The following OR9K2 variants were observed in gnomAD, a reference collection of about 807,000 sequenced individuals.
The protein encoded by OR9K2 is olfactory receptor family 9 subfamily K member 2.
A neutral mutation model predicts 12.4 loss-of-function variants in OR9K2; 16 were observed. The observed-to-expected ratio is 1.29, with a 90% CI of 0.87 to 1.95. The LOEUF is 1.95. Ranked by LOEUF, OR9K2 falls within the 30% of genes most tolerant of loss-of-function variation. The pLI is 0.00. For synonymous variants in OR9K2, 133 were observed against 133.2 expected (o/e 1.00, Z 0.01); for missense variants, 434 against 376.5 (o/e 1.15, Z -1.26).
At chr12:55,126,610 A>T (rs1481302957) in intron 1 of OR9K2, 94 bp downstream of exon 1, 1 of 152,092 alleles carries the variant, frequency 6.6e-6, no homozygotes, top group Non-Finnish European at 1.5e-5. Flanking sequence ...CTCTTCTAAA[A>T]AGGACTATAA....
At chr12:55,128,748 T>C (rs1214188327) in intron 2 of OR9K2, among the ~76,000 whole-genome samples, 1 of 151,990 alleles carries the variant, frequency 6.6e-6, no homozygotes, top group African/African-American at 2.4e-5. Flanking sequence ...AAAAAATCTA[T>C]TTGAGCAGTA....
intron 2 of OR9K2, among the ~76,000 whole-genome samples, chr12:55,128,207 A>C (rs1953441904): frequency 6.6e-6 from 1 of 151,928 alleles, no homozygotes; most frequent in South Asian, 2.1e-4. Flanking sequence ...TCAAGTGAAG[A>C]ATAATTAATA....
rs565645835 is a variant in OR9K2, at chr12:55,132,693, A to G, written c.*1917A>G. 2 of 152,372 alleles carry G rather than the reference A, an allele frequency of 1.3e-5. No homozygotes were observed. Among genetic ancestry groups the G allele is most frequent in the East Asian group, 3.9e-4 (2 of 5,188 alleles). 9.4% of individuals were successfully genotyped at this position (152,372 alleles called of 1,614,324 possible). A position where few individuals can be genotyped will look rare whatever the true frequency, so the allele number is the denominator to read the frequency against. ...ATAGGTCTATAAATTGGAAAAGAAGAGAAAACGTTCCTTGTTTGCAGATAA... is the reference window on the plus strand; with the variant it reads ...ATAGGTCTATAAATTGGAAAAGAAGGGAAAACGTTCCTTGTTTGCAGATAA... On this transcript the variant is annotated 3_prime_UTR_variant, in exon 3 of 3. Transcript: ENST00000641329.
rs1953469229 is a variant in OR9K2, at chr12:55,130,980, G to C, written c.*204G>C. 1 of 419,420 alleles carries C rather than the reference G, an allele frequency of 2.4e-6. No homozygotes were observed. The highest frequency in any genetic ancestry group is 2.0e-5 in the African/African-American group (1 of 49,608). The allele number at this position is 419,420 out of a possible 1,614,324, so 26.0% of individuals were successfully genotyped here. A position where few individuals can be genotyped will look rare whatever the true frequency, so the allele number is the denominator to read the frequency against. On this transcript the variant is annotated 3_prime_UTR_variant, in exon 3 of 3. Coordinates refer to ENST00000641329, the MANE Select transcript of OR9K2 (RefSeq NM_001005243.2). ...TATTGGAGATATCCTGGACATTAGA[G>C]AAGTATTTTCATGATAAACCCTCTC...
chr12:55,131,148 A>G lies in OR9K2; in HGVS notation c.*372A>G, dbSNP rs958398324. On this transcript the variant is annotated 3_prime_UTR_variant, in exon 3 of 3. Transcript: ENST00000641329. Reference sequence around the variant, plus strand: ...CTTTGGGATTGCCCATCCCTCCTACACACAATCATGGGTAGTTGACAAAGA... The same window carrying G: ...CTTTGGGATTGCCCATCCCTCCTACGCACAATCATGGGTAGTTGACAAAGA... 1 of 166,158 alleles carries G rather than the reference A, an allele frequency of 6.0e-6. No homozygotes were observed. Among genetic ancestry groups the G allele is most frequent in the Non-Finnish European group, 1.3e-5 (1 of 77,366 alleles). The allele number at this position is 166,158 out of a possible 1,614,324, so 10.3% of individuals were successfully genotyped here. A position where few individuals can be genotyped will look rare whatever the true frequency, so the allele number is the denominator to read the frequency against.
chr12:55,130,825 C>A lies in OR9K2; in HGVS notation c.*49C>A. The A allele has an allele frequency of 9.6e-7, 1 of 1,036,684 alleles. No homozygotes were observed. The highest frequency in any genetic ancestry group is 1.4e-6 in the Non-Finnish European group (1 of 711,028). 64.2% of individuals were successfully genotyped at this position (1,036,684 alleles called of 1,614,324 possible). On this transcript the variant is annotated 3_prime_UTR_variant, in exon 3 of 3. Transcript: ENST00000641329. ...TTATTGTGGCTATTTATTTAATACA[C>A]CTGTGTTCATTAATAAAAGTTACTC...
rs1490136941 is a variant in OR9K2 at position 55,130,482 on chromosome 12, CATT to C, written c.651_653del (p.Ile218del). On this transcript the variant is annotated inframe_deletion, in exon 3 of 3. Transcript: ENST00000641329. ...TTATTATCTTGCCTACTATCATAGT[CATT>C]ATAGTATCTTACATGTATATTGTGT... 3 of 1,610,200 alleles carry C rather than the reference CATT, an allele frequency of 1.9e-6. No homozygotes were observed. Among genetic ancestry groups the C allele is most frequent in the Non-Finnish European group, 2.5e-6 (3 of 1,176,716 alleles).
rs1207292962 is a variant in OR9K2 at position 55,130,272 on chromosome 12, G to C, written c.438G>C (p.Gln146His). 6.8e-6 allele frequency: 11 copies of C among 1,613,924 alleles called. No homozygotes were observed. Residue 146 changes from glutamine (Q) to histidine (H), a missense_variant, in exon 3 of 3, where the codon CAG becomes CAC. Transcript: ENST00000641329. ...SVQMSTRLCT[Q>H]LVAGSYFCGC... ...AAATGTCCACACGTCTGTGTACTCA[G>C]TTGGTGGCTGGTTCCTATTTTTGTG...
rs1278311842 is a variant in OR9K2 at position 55,127,697 on chromosome 12, A to T, written c.-10+786A>T. On this transcript the variant is annotated intron_variant, in intron 2 of 2. Transcript: ENST00000641329. ...GATTGATTCTTCCCCTCAACTGAGAATGTTTTGTCCAAAAACGACCATATA... is the reference window on the plus strand; with the variant it reads ...GATTGATTCTTCCCCTCAACTGAGATTGTTTTGTCCAAAAACGACCATATA... Among the ~76,000 whole-genome samples, 3 of 151,592 alleles carry T rather than the reference A, an allele frequency of 2.0e-5. No individual in the cohort carries two copies. In the East Asian group the frequency reaches 5.8e-4, roughly 30 times the overall value.
rs763867192 is a variant in OR9K2, at chr12:55,130,786, C to A, written c.*10C>A. ...AAATATTATTCTTTGATTATTATTT[C>A]TCTTTCACCAATTTTATTGTGGCTA... is the stretch of plus-strand genomic sequence containing the variant. On this transcript the variant is annotated 3_prime_UTR_variant, in exon 3 of 3. Coordinates refer to ENST00000641329, the MANE Select transcript of OR9K2 (RefSeq NM_001005243.2). 3 of 1,431,808 alleles carry A rather than the reference C, an allele frequency of 2.1e-6. No homozygotes were observed. Among genetic ancestry groups the A allele is most frequent in the African/African-American group, 2.9e-5 (2 of 69,668 alleles). The allele number at this position is 1,431,808 out of a possible 1,614,324, so 88.7% of individuals were successfully genotyped here.
chr12:55,127,642 AGAGT>A (rs1953438075), intron 2 of OR9K2, among the ~76,000 whole-genome samples: 2 of 152,004 alleles, frequency 1.3e-5, no homozygotes, highest in African/African-American at 4.8e-5. Flanking sequence ...CATTTCTCCA[AGAGT>A]TCTTCATCTC....
rs1371113731 is a variant in OR9K2 at position 55,130,326 on chromosome 12, C to T, written c.492C>T (p.Ser164=). The T allele has an allele frequency of 6.2e-7, 1 of 1,613,908 alleles. No individual in the cohort carries two copies. The highest frequency in any genetic ancestry group is 1.3e-5 in the African/African-American group (1 of 74,904). Residue 164 remains serine (S), a synonymous_variant, in exon 3 of 3, where the codon AGC becomes AGT. Coordinates refer to ENST00000641329, the MANE Select transcript of OR9K2 (RefSeq NM_001005243.2). ...CGCISSVIQT[S]MTFTLSFCAS... ...GCATTAGCTCAGTTATTCAGACTAG[C>T]ATGACATTTACTTTATCTTTTTGCG...
chr12:55,128,314 T>A (rs1953442775), intron 2 of OR9K2, among the ~76,000 whole-genome samples: 1 of 151,592 alleles, frequency 6.6e-6, no homozygotes, highest in South Asian at 2.1e-4. Context: ...AGATTTTATT[T>A]GGAAATATGA....
At chr12:55,127,562 C>T (rs894813739) in intron 2 of OR9K2, among the ~76,000 whole-genome samples, 3 of 151,768 alleles carry the variant, frequency 2.0e-5, no homozygotes, top group Non-Finnish European at 2.9e-5. Flanking sequence ...ACATTTAATA[C>T]AGTCTTAAAT....
intron 2 of OR9K2, among the ~76,000 whole-genome samples, chr12:55,127,281 T>G (rs1279982621): frequency 6.6e-6 from 1 of 151,754 alleles, no homozygotes; most frequent in Non-Finnish European, 1.5e-5. Context: ...AATAATAATA[T>G]TAAATTCTAA....
rs749054708 is a variant in OR9K2 at position 55,129,961 on chromosome 12, C to T, written c.127C>T (p.Leu43=). Residue 43 remains leucine, a synonymous_variant, in exon 3 of 3, where the codon CTA becomes TTA. Coordinates refer to ENST00000641329, the MANE Select transcript of OR9K2 (RefSeq NM_001005243.2). ...LFLFVYAMIL[L]GNVGMMTIIM... ...TTTGTTTGTTTATGCCATGATCCTT[C>T]TAGGGAATGTTGGGATGATGACCAT... 4 of 1,613,956 alleles carry T rather than the reference C, an allele frequency of 2.5e-6. No homozygotes were observed. The highest frequency in any genetic ancestry group is 3.4e-6 in the Non-Finnish European group (4 of 1,179,928).
intron 2 of OR9K2, among the ~76,000 whole-genome samples, chr12:55,127,877 C>T (rs1953439603): frequency 6.6e-6 from 1 of 151,836 alleles, no homozygotes; most frequent in Non-Finnish European, 1.5e-5. Context: ...TTTTCTATTC[C>T]CAAGAAAACT....
chr12:55,130,735 G>T lies in OR9K2; in HGVS notation c.901G>T (p.Ala301Ser). The T allele has an allele frequency of 6.3e-7, 1 of 1,581,108 alleles. No individual in the cohort carries two copies. Among genetic ancestry groups the T allele is most frequent in the South Asian group, 1.2e-5 (1 of 85,388 alleles). Residue 301 changes from alanine to serine, a missense_variant, in exon 3 of 3, where the codon GCT becomes TCT. Physicochemically the swap from Ala to Ser is moderately conservative, Grantham distance 99 (BLOSUM62 1). Transcript: ENST00000641329. ...YSLRNKDVQE[A>S]LKKFLEKKNI... is the part of the protein sequence containing the mutation. ...TCTGAGGAACAAAGATGTCCAAGAG[G>T]CTCTAAAAAAATTTCTAGAGAAGAA...
At position 55,130,468 on chromosome 12, in the gene OR9K2, C is replaced by G; in HGVS notation, c.634C>G (p.Pro212Ala). 1 of 1,611,974 alleles carries G rather than the reference C, an allele frequency of 6.2e-7. No homozygotes were observed. Among genetic ancestry groups the G allele is most frequent in the Non-Finnish European group, 8.5e-7 (1 of 1,178,252 alleles). The change falls in exon 3 of 3, where the codon CCT (proline) becomes GCT (alanine). Residue 212 changes from proline to alanine, a missense_variant. Physicochemically the swap from Pro to Ala is conservative, Grantham distance 27 (BLOSUM62 -1). Coordinates refer to ENST00000641329, the MANE Select transcript of OR9K2 (RefSeq NM_001005243.2). ...SFSLSCIIILPTIIVIIVSYM... is the reference protein window; with the variant it reads ...SFSLSCIIILATIIVIIVSYM... ...TTCCTTATCATGTATTATTATCTTG[C>G]CTACTATCATAGTCATTATAGTATC...
Sources: allele counts gnomAD v4.1 joint callset (sites outside exome capture counted in the v4.1 genomes callset), GRCh38; gene constraint gnomAD v4.1.1; transcripts MANE v1.5; gene names NCBI Gene and HGNC (gene_info 2026-07-23, HGNC 2026-07-21).